FHIP2A: variants seen among roughly 807,000 people sequenced by gnomAD.
FHIP2A encodes the protein family with sequence similarity 160 member B1.
In FHIP2A, 46 loss-of-function variants were observed where a neutral mutation model predicts 93.5. That is an observed-to-expected ratio of 0.49 (90% CI 0.39 to 0.63). The LOEUF is 0.63. Ranked by LOEUF, FHIP2A falls within the 20% of genes least tolerant of loss-of-function variation. The probability of loss-of-function intolerance (pLI) is 0.00; values close to 1 mark genes in which losing one functional copy is unlikely to be tolerated. For missense variants in FHIP2A, 769 were observed against 909.7 expected (o/e 0.85, Z 1.99); for synonymous variants, 332 against 326.5 (o/e 1.02, Z -0.18).
At chr10:114,895,989 C>T (rs1405681487) in intron 16 of FHIP2A, among the ~76,000 whole-genome samples, 2 of 152,138 alleles carry the variant, frequency 1.3e-5, no homozygotes, top group Non-Finnish European at 1.5e-5. Flanking sequence ...TGTGAAACTG[C>T]GGCTTCCTGA....
chr10:114,843,110 C>T lies in FHIP2A; in HGVS notation c.700C>T (p.His234Tyr). 1 of 1,614,070 alleles carries T rather than the reference C, an allele frequency of 6.2e-7. No individual in the cohort carries two copies. The highest frequency in any genetic ancestry group is 8.5e-7 in the Non-Finnish European group (1 of 1,180,002). The change falls in exon 6 of 17, where the codon CAC becomes TAC. Residue 234 changes from histidine to tyrosine, a missense_variant. Coordinates refer to ENST00000369248, the MANE Select transcript of FHIP2A (RefSeq NM_020940.4). ...AGATGAGCCTCCTCATCAGATGGATCACCTGTCCACAAGCTTGGATAACCT... is the reference window on the plus strand; with the variant it reads ...AGATGAGCCTCCTCATCAGATGGATTACCTGTCCACAAGCTTGGATAACCT... ...LEDEPPHQMD[H>Y]LSTSLDNLSV... is the part of the protein sequence containing the mutation.
intron 16 of FHIP2A, among the ~76,000 whole-genome samples, chr10:114,885,398 A>G (rs1239547650): frequency 2.1e-5 from 3 of 143,616 alleles, no homozygotes; most frequent in African/African-American, 7.6e-5. Flanking sequence ...TCCATCTGAG[A>G]AAAAAAAAAA....
chr10:114,863,931 G>A lies in FHIP2A; in HGVS notation c.*2391G>A. On this transcript the variant is annotated 3_prime_UTR_variant, in exon 17 of 17. Coordinates refer to ENST00000369248, the MANE Select transcript of FHIP2A (RefSeq NM_020940.4). ...TTCTAACAATATAGTCTTTGGATTTGTTTTTAGTTATGAGCCGCATTCTTT... is the reference window on the plus strand; with the variant it reads ...TTCTAACAATATAGTCTTTGGATTTATTTTTAGTTATGAGCCGCATTCTTT... 1 of 1,065,722 alleles carries A rather than the reference G, an allele frequency of 9.4e-7. No individual in the cohort carries two copies. The highest frequency in any genetic ancestry group is 1.1e-6 in the Non-Finnish European group (1 of 877,430). The allele number at this position is 1,065,722 out of a possible 1,614,324, so 66.0% of individuals were successfully genotyped here.
Position 114,889,038 on chromosome 10 carries a change from G to A in FHIP2A, c.2193-10452G>A, listed in dbSNP as rs577634831. ...ATTGCTTACCAAAAGTTCTGAAGTT[G>A]GGTTTCGGAGTAGCCAAGATGAAGT... is the stretch of plus-strand genomic sequence containing the variant. On this transcript the variant is annotated intron_variant, in intron 16 of 16. Transcript: ENST00000369250. Among the ~76,000 whole-genome samples, 368 of 152,038 alleles carry A rather than the reference G, an allele frequency of 2.4e-3. 4 individuals carry two copies. Among genetic ancestry groups the A allele is most frequent in the African/African-American group, 8.3e-3 (343 of 41,460 alleles).
intron 5 of FHIP2A, among the ~76,000 whole-genome samples, chr10:114,836,794 G>A (rs1014502622): frequency 1.3e-5 from 2 of 151,956 alleles, no homozygotes; most frequent in Non-Finnish European, 2.9e-5. Context: ...ATATATTTTT[G>A]TACTTTTTGC....
chr10:114,894,012 T>C (rs2083988356), intron 16 of FHIP2A, among the ~76,000 whole-genome samples: 1 of 152,092 alleles, frequency 6.6e-6, no homozygotes, highest in African/African-American at 2.4e-5. Context: ...TTCAAAAACC[T>C]CCATAGTGAC....
rs765457938 is a variant in FHIP2A at position 114,861,504 on chromosome 10, C to T, written c.2262C>T (p.Ile754=). 7.4e-6 allele frequency: 12 copies of T among 1,613,804 alleles called. No individual in the cohort carries two copies. Among genetic ancestry groups the T allele is most frequent in the Admixed American group, 3.3e-5 (2 of 59,992 alleles). Residue 754 remains isoleucine (I), a synonymous_variant, in exon 17 of 17, where the codon ATC becomes ATT. Coordinates refer to ENST00000369248, the MANE Select transcript of FHIP2A (RefSeq NM_020940.4). ...AGTTCTGTAAGGAGCTGGCGGCAAT[C>T]GCATTTGTAAAATATCATGCTTCCT... The part of the protein sequence containing the change: ...LEEFCKELAA[I]AFVKYHASST...
intron 16 of FHIP2A, among the ~76,000 whole-genome samples, chr10:114,888,119 T>C (rs1409142393): frequency 6.6e-6 from 1 of 152,160 alleles, no homozygotes; most frequent in African/African-American, 2.4e-5. Flanking sequence ...TGGCCCCAGC[T>C]CCCACGAGGG....
At chr10:114,892,953 C>G (rs145984716) in intron 16 of FHIP2A, among the ~76,000 whole-genome samples, 2,020 of 152,238 alleles carry the variant, frequency 0.013, 17 homozygotes, top group Non-Finnish European at 0.022. Flanking sequence ...AGAATAAGCT[C>G]TAAACATTAA....
In FHIP2A at chr10:114,861,822, CTG is replaced by C. The variant is rs1377193813; in HGVS notation, c.*285_*286del. On this transcript the variant is annotated 3_prime_UTR_variant, in exon 17 of 17. Coordinates refer to ENST00000369248, the MANE Select transcript of FHIP2A (RefSeq NM_020940.4). ...TTCAGGAAATAAGCATTTCTAATGACTGTGAAAAGCTGCAATATTTCCAATGT... is the reference window on the plus strand; with the variant it reads ...TTCAGGAAATAAGCATTTCTAATGACTGAAAAGCTGCAATATTTCCAATGT... The C allele has an allele frequency of 2.2e-5, 23 of 1,055,844 alleles. No homozygotes were observed. Among genetic ancestry groups the C allele is most frequent in the African/African-American group, 1.3e-4 (8 of 59,308 alleles). The allele number at this position is 1,055,844 out of a possible 1,614,324, so 65.4% of individuals were successfully genotyped here. A position where few individuals can be genotyped will look rare whatever the true frequency, so the allele number is the denominator to read the frequency against.
chr10:114,876,339 G>A (rs998117875), intron 16 of FHIP2A, among the ~76,000 whole-genome samples: 7 of 152,200 alleles, frequency 4.6e-5, no homozygotes, highest in Non-Finnish European at 8.8e-5. Context: ...GATTTGGCTT[G>A]TTCCTGTGAC....
chr10:114,887,631 A>C (rs950312075), intron 16 of FHIP2A, among the ~76,000 whole-genome samples: 2 of 152,224 alleles, frequency 1.3e-5, no homozygotes, highest in Admixed American at 1.3e-4. Context: ...GGGAAATGTT[A>C]GTTCCGTTCC....
At chr10:114,882,895 A>G (rs1193107298) in intron 16 of FHIP2A, among the ~76,000 whole-genome samples, 3 of 151,688 alleles carry the variant, frequency 2.0e-5, no homozygotes, top group Admixed American at 6.6e-5. Context: ...AAAAAGAAAG[A>G]AAAGAAAACA....
intron 16 of FHIP2A, among the ~76,000 whole-genome samples, chr10:114,895,132 A>G (rs954784570): frequency 5.3e-5 from 8 of 152,214 alleles, no homozygotes; most frequent in African/African-American, 1.9e-4. Flanking sequence ...GTTTGTTAGA[A>G]AGATTTTCAT....
Position 114,862,160 on chromosome 10 carries a change from T to G in FHIP2A, c.*620T>G. On this transcript the variant is annotated 3_prime_UTR_variant, in exon 17 of 17. Transcript: ENST00000369248. Reference sequence around the variant, plus strand: ...TATGATAAATTCTTGATTAATATAATATATCTATATTTTTAAAGAAATGTT... The same window carrying G: ...TATGATAAATTCTTGATTAATATAAGATATCTATATTTTTAAAGAAATGTT... 1.1e-6 allele frequency: 1 copy of G among 907,236 alleles called. No homozygotes were observed. The highest frequency in any genetic ancestry group is 1.3e-6 in the Non-Finnish European group (1 of 758,528). 56.2% of individuals were successfully genotyped at this position (907,236 alleles called of 1,614,324 possible).
chr10:114,865,364 A>G (rs1289234982), downstream of FHIP2A, among the ~76,000 whole-genome samples: 1 of 152,174 alleles, frequency 6.6e-6, no homozygotes, highest in Non-Finnish European at 1.5e-5. Flanking sequence ...TTTAGCTGAC[A>G]CTTAAAACAA....
chr10:114,877,754 C>A, intron 16 of FHIP2A, among the ~76,000 whole-genome samples: 1 of 152,138 alleles, frequency 6.6e-6, no homozygotes, highest in East Asian at 1.9e-4. Context: ...AACTGCTTAG[C>A]CTAGTTCTGC....
In FHIP2A at chr10:114,863,625, CCTT is replaced by C; in HGVS notation, c.*2089_*2091del. On this transcript the variant is annotated 3_prime_UTR_variant, in exon 17 of 17. Transcript: ENST00000369248. ...TGTTTCTAAGTTTCTGTTTTTCATC[CCTT>C]CTTTTTTCTTTTATATTTAGTTCAG... is the stretch of plus-strand genomic sequence containing the variant. 4.7e-6 allele frequency: 6 copies of C among 1,277,416 alleles called. No individual in the cohort carries two copies. The highest frequency in any genetic ancestry group is 4.1e-6 in the Non-Finnish European group (4 of 981,046). 79.1% of individuals were successfully genotyped at this position (1,277,416 alleles called of 1,614,324 possible). A position where few individuals can be genotyped will look rare whatever the true frequency, so the allele number is the denominator to read the frequency against.
At chr10:114,893,721 A>AGT (rs372188648) in intron 16 of FHIP2A, among the ~76,000 whole-genome samples, 43 of 151,492 alleles carry the variant, frequency 2.8e-4, no homozygotes, top group South Asian at 4.2e-4. Context: ...ATGTGTGTGG[A>AGT]GTGTGTGTGT....
Sources: gnomAD v4.1 joint callset for allele counts (sites outside exome capture counted in the v4.1 genomes callset) on GRCh38, gnomAD v4.1.1 for gene constraint, MANE v1.5 for transcripts, NCBI Gene and HGNC (gene_info 2026-07-23, HGNC 2026-07-21) for gene names.